Variants in EBF1 observed in about 807,000 individuals in gnomAD.
EBF1 encodes transcription factor COE1.
EBF1 carries 10 observed loss-of-function variants against 68.4 expected under a neutral mutation model. The ratio of observed to expected loss-of-function variants is 0.15; its 90% CI spans 0.09 to 0.25. EBF1 has a LOEUF of 0.25. EBF1 is among the 10% of genes least tolerant of loss of function. The probability of loss-of-function intolerance (pLI) is 1.00; values close to 1 mark genes in which losing one functional copy is unlikely to be tolerated. For synonymous variants in EBF1, 298 were observed against 299.8 expected, an observed-to-expected ratio of 0.99 and a Z score of 0.06; for missense variants, 509 against 794.4, an observed-to-expected ratio of 0.64 and a Z score of 4.32.
intron 6 of EBF1, among the ~76,000 whole-genome samples, chr5:158,872,201 CTT>C (rs70987939): frequency 1.4e-4 from 20 of 145,100 alleles, no homozygotes; most frequent in Admixed American, 2.1e-4. Context: ...CTTTTCTTTT[CTT>C]TTTTTTTTTT....
intron 10 of EBF1, among the ~76,000 whole-genome samples, chr5:158,766,210 T>C (rs1772634901): frequency 1.3e-5 from 2 of 152,170 alleles, no homozygotes; most frequent in African/African-American, 4.8e-5. Context: ...CTTTTAAATA[T>C]CGGTTTTTAA....
At chr5:158,736,403 G>A (rs745541983) in intron 10 of EBF1, among the ~76,000 whole-genome samples, 8 of 152,126 alleles carry the variant, frequency 5.3e-5, no homozygotes, top group Non-Finnish European at 1.2e-4. Flanking sequence ...ATAGCTCAGC[G>A]ACTCACTGCC....
intron 6 of EBF1, among the ~76,000 whole-genome samples, chr5:158,909,232 A>C (rs1018913800): frequency 3.9e-5 from 6 of 152,208 alleles, no homozygotes; most frequent in African/African-American, 1.4e-4. Flanking sequence ...CTCTGGTGGA[A>C]CGGCAACATA....
chr5:158,798,931 C>G (rs928003847), intron 8 of EBF1, among the ~76,000 whole-genome samples: 3 of 152,290 alleles, frequency 2.0e-5, no homozygotes, highest in Middle Eastern at 3.4e-3. Flanking sequence ...ATATGCCATT[C>G]TTAGAGCAGG....
intron 6 of EBF1, among the ~76,000 whole-genome samples, chr5:158,970,627 C>T (rs1433842429): frequency 6.6e-5 from 10 of 152,086 alleles, no homozygotes; most frequent in Admixed American, 5.9e-4. Context: ...CTGCGGTCAG[C>T]GATTATGACT....
chr5:158,785,501 G>C (rs1581864267), intron 9 of EBF1, among the ~76,000 whole-genome samples: 1 of 152,054 alleles, frequency 6.6e-6, no homozygotes, highest in East Asian at 1.9e-4. Context: ...GAGTTCTCTG[G>C]GTTTCATAAC....
chr5:158,960,213 C>G (rs1355613293), intron 6 of EBF1, among the ~76,000 whole-genome samples: 2 of 152,062 alleles, frequency 1.3e-5, no homozygotes, highest in East Asian at 3.8e-4. Context: ...AATATCTACC[C>G]TATATTTACT....
At chr5:159,091,252 A>G (rs1781581642) in intron 4 of EBF1, among the ~76,000 whole-genome samples, 2 of 152,224 alleles carry the variant, frequency 1.3e-5, no homozygotes, top group Non-Finnish European at 2.9e-5. Context: ...AGACTGGGGA[A>G]GTACTAGGCC....
At chr5:158,729,435 C>T (rs1393598052) in intron 11 of EBF1, among the ~76,000 whole-genome samples, 1 of 152,116 alleles carries the variant, frequency 6.6e-6, no homozygotes, top group African/African-American at 2.4e-5. Context: ...TGTTCTAGCA[C>T]GAAGACAGCT....
chr5:158,857,090 T>G (rs2128016722), intron 6 of EBF1, among the ~76,000 whole-genome samples: 1 of 152,272 alleles, frequency 6.6e-6, no homozygotes, highest in East Asian at 1.9e-4. Flanking sequence ...TCCTACTCTC[T>G]GCCACAGAGA....
At chr5:159,026,826 CT>C (rs1391516029) in intron 6 of EBF1, among the ~76,000 whole-genome samples, 1 of 152,178 alleles carries the variant, frequency 6.6e-6, no homozygotes, top group African/African-American at 2.4e-5. Flanking sequence ...TCAAACCTTC[CT>C]TTTTCTGCTC....
At chr5:158,982,855 A>G (rs1386282603) in intron 6 of EBF1, among the ~76,000 whole-genome samples, 1 of 152,178 alleles carries the variant, frequency 6.6e-6, no homozygotes, top group African/African-American at 2.4e-5. Flanking sequence ...TCTTGATTTA[A>G]CCAGAATTAT....
intron 6 of EBF1, among the ~76,000 whole-genome samples, chr5:158,886,932 G>GT (rs1469767257): frequency 6.6e-6 from 1 of 152,142 alleles, no homozygotes; most frequent in Non-Finnish European, 1.5e-5. Flanking sequence ...AACCCAGGAG[G>GT]TGGAGGTTGC....
intron 6 of EBF1, among the ~76,000 whole-genome samples, chr5:159,039,264 A>G (rs1231992854): frequency 6.6e-6 from 1 of 152,228 alleles, no homozygotes; most frequent in Non-Finnish European, 1.5e-5. Flanking sequence ...TCTATGCATT[A>G]AACCATAAAT....
At chr5:158,786,788 A>G (rs1462857965) in intron 9 of EBF1, among the ~76,000 whole-genome samples, 1 of 152,210 alleles carries the variant, frequency 6.6e-6, no homozygotes, top group Non-Finnish European at 1.5e-5. Context: ...TGTTATCAAC[A>G]TTGGCAATTC....
chr5:159,004,487 C>T (rs1379660658), intron 6 of EBF1, among the ~76,000 whole-genome samples: 1 of 152,048 alleles, frequency 6.6e-6, no homozygotes, highest in African/African-American at 2.4e-5. Flanking sequence ...CTTTCCAGAA[C>T]ACTATCATTT....
At chr5:159,076,154 G>A (rs1778742574) in intron 5 of EBF1, among the ~76,000 whole-genome samples, 1 of 151,736 alleles carries the variant, frequency 6.6e-6, no homozygotes, top group Non-Finnish European at 1.5e-5. Flanking sequence ...TTAACTCATA[G>A]ACTTCGTAGA....
intron 6 of EBF1, among the ~76,000 whole-genome samples, chr5:159,056,675 T>C (rs142071247): frequency 6.6e-6 from 1 of 152,344 alleles, no homozygotes; most frequent in East Asian, 1.9e-4. Flanking sequence ...CAGAATTATA[T>C]TCTGCAACAA....
intron 10 of EBF1, among the ~76,000 whole-genome samples, chr5:158,743,367 G>A (rs1766847213): frequency 6.6e-6 from 1 of 152,226 alleles, no homozygotes; most frequent in Non-Finnish European, 1.5e-5. Context: ...AGTTTGGGCA[G>A]AGTACAGCTT....
Sources: gnomAD v4.1 joint callset for allele counts (sites outside exome capture counted in the v4.1 genomes callset) on GRCh38, gnomAD v4.1.1 for gene constraint, MANE v1.5 for transcripts, NCBI Gene and HGNC (gene_info 2026-07-23, HGNC 2026-07-21) for gene names.